DNAH11: variants seen among roughly 807,000 people sequenced by gnomAD.
The protein encoded by DNAH11 is dynein axonemal heavy chain 11.
In DNAH11, 442 loss-of-function variants were observed where a neutral mutation model predicts 526.0. The observed-to-expected ratio is 0.84, with a 90% CI of 0.78 to 0.91. The LOEUF is 0.91. DNAH11 is among the 40% of genes least tolerant of loss of function. The pLI is 0.00. For missense variants in DNAH11, 6,989 were observed against 5,448.7 expected (o/e 1.28, Z -8.90); for synonymous variants, 2,461 against 1,935.9 (o/e 1.27, Z -7.12).
intron 13 of DNAH11, 61 bp downstream of exon 13, chr7:21,591,083 T>A (rs1784658807): frequency 7.3e-7 from 1 of 1,378,404 alleles, no homozygotes; most frequent in East Asian, 2.8e-5. Context: ...ATATTTTGAA[T>A]TTTAATTATT....
intron 61 of DNAH11, among the ~76,000 whole-genome samples, chr7:21,800,474 C>G (rs1400920514): frequency 6.6e-6 from 1 of 151,988 alleles, no homozygotes; most frequent in African/African-American, 2.4e-5. Flanking sequence ...TCCACTAAAT[C>G]TACAAAAATT....
chr7:21,816,810 A>G (rs1398439174), intron 64 of DNAH11, 108 bp downstream of exon 64: 1 of 858,274 alleles, frequency 1.2e-6, no homozygotes. Flanking sequence ...TTGATGTATT[A>G]CAATTTGGTG....
chr7:21,659,777 C>G (rs559679895), intron 30 of DNAH11, among the ~76,000 whole-genome samples: 1 of 152,082 alleles, frequency 6.6e-6, no homozygotes, highest in Non-Finnish European at 1.5e-5. Context: ...TGCTCCTCAT[C>G]GACCCCTTTT....
At chr7:21,654,342 G>A (rs751355761) in intron 28 of DNAH11, among the ~76,000 whole-genome samples, 1 of 152,136 alleles carries the variant, frequency 6.6e-6, no homozygotes, top group Non-Finnish European at 1.5e-5. Flanking sequence ...GATACGACGT[G>A]TGGTATATTG....
chr7:21,608,859 G>C (rs1785407650), intron 20 of DNAH11, among the ~76,000 whole-genome samples: 1 of 151,930 alleles, frequency 6.6e-6, no homozygotes, highest in Non-Finnish European at 1.5e-5. Context: ...TATAACTACA[G>C]GAATATTTTG....
intron 39 of DNAH11, 63 bp from the exon 40 acceptor site, chr7:21,707,636 T>C (rs1429898343): frequency 1.9e-5 from 30 of 1,559,836 alleles, no homozygotes; most frequent in East Asian, 4.5e-5. Context: ...TTCAGAAATC[T>C]TTTACTTTCC....
rs113340120 is a variant in DNAH11, at chr7:21,573,379, C to T, written c.1593+1406C>T. Among the ~76,000 whole-genome samples the T allele has an allele frequency of 1.7e-3, 253 of 152,282 alleles. 1 individual carries two copies. Among genetic ancestry groups the T allele is most frequent in the South Asian group, 5.0e-3 (24 of 4,828 alleles). ...CATAACCTTCCCCTGAAGTTCCCTT[C>T]ATCCTCCTGTCTGATTCTTGCCTTA... On this transcript the variant is annotated intron_variant, in intron 8 of 81. Coordinates refer to ENST00000409508, the MANE Select transcript of DNAH11 (RefSeq NM_001277115.2).
Position 21,748,658 on chromosome 7 carries a change from C to G in DNAH11, c.8589C>G (p.Ser2863Arg), listed in dbSNP as rs762164783. ...LVGVGGSGKQ[S>R]LSRLAAYLRG... is the part of the protein sequence containing the mutation. ...GAGTTGGGGGCAGTGGCAAGCAGAG[C>G]TTGTCCAGGCTGGCAGCTTACCTTC... The change falls in exon 52 of 82, where the codon AGC (serine) becomes AGG (arginine). Residue 2863 changes from serine (S) to arginine (R), a missense_variant. Physicochemically the swap from Ser to Arg is moderately radical, Grantham distance 110 (BLOSUM62 -1). Coordinates refer to ENST00000409508, the MANE Select transcript of DNAH11 (RefSeq NM_001277115.2). 8.1e-6 allele frequency: 13 copies of G among 1,613,512 alleles called. No homozygotes were observed. In the South Asian group the frequency reaches 1.4e-4, roughly 18 times the overall value.
chr7:21,686,413 C>T (rs547442210), intron 32 of DNAH11, among the ~76,000 whole-genome samples: 2 of 152,198 alleles, frequency 1.3e-5, no homozygotes, highest in African/African-American at 4.8e-5. Context: ...AAGAATACAG[C>T]CATTTGATGT....
Position 21,880,911 on chromosome 7 carries a change from A to G in DNAH11, c.12387+18A>G, listed in dbSNP as rs774153301. The stretch of plus-strand genomic sequence containing the variant: ...ACTCTAAAGTAAGTGCTAGTGGTCA[A>G]ATAACCTCTTCCAAGGAGTTTACAA... On this transcript the variant is annotated intron_variant, in intron 75 of 81. Coordinates refer to ENST00000409508, the MANE Select transcript of DNAH11 (RefSeq NM_001277115.2). The G allele has an allele frequency of 1.3e-6, 2 of 1,579,650 alleles. No homozygotes were observed. Among genetic ancestry groups the G allele is most frequent in the Admixed American group, 2.0e-5 (1 of 49,616 alleles).
At chr7:21,656,005 C>A (rs1424235643) in intron 29 of DNAH11, 24 bp downstream of exon 29, 2 of 1,569,428 alleles carry the variant, frequency 1.3e-6, no homozygotes, top group Non-Finnish European at 1.7e-6. Context: ...ATGAGGTTTT[C>A]TATGCTAGGG....
At chr7:21,827,139 T>G (rs549603548) in intron 65 of DNAH11, among the ~76,000 whole-genome samples, 1 of 152,320 alleles carries the variant, frequency 6.6e-6, no homozygotes, top group African/African-American at 2.4e-5. Flanking sequence ...GATATACAGG[T>G]GAACCTGGCC....
At chr7:21,631,927 G>C (rs1786631725) in intron 25 of DNAH11, among the ~76,000 whole-genome samples, 1 of 152,320 alleles carries the variant, frequency 6.6e-6, no homozygotes, top group South Asian at 2.1e-4. Context: ...CTTCTGCACT[G>C]CCATAGCAGA....
chr7:21,543,643 C>T (rs1169915439), intron 1 of DNAH11, 47 bp downstream of exon 1: 18 of 1,534,148 alleles, frequency 1.2e-5, no homozygotes, highest in Non-Finnish European at 1.6e-5. Context: ...CAAAACTACC[C>T]AGGGGAGACA....
chr7:21,644,438 G>A (rs142014050), intron 28 of DNAH11, among the ~76,000 whole-genome samples: 84 of 152,262 alleles, frequency 5.5e-4, no homozygotes, highest in African/African-American at 1.9e-3. Context: ...GACTCAATAC[G>A]TGCATGGTAA....
In DNAH11 at chr7:21,639,067, T is replaced by C; in HGVS notation, c.4944+2T>C. On this transcript the variant is annotated splice_donor_variant, in intron 28 of 81. Coordinates refer to ENST00000409508, the MANE Select transcript of DNAH11 (RefSeq NM_001277115.2). LOFTEE classifies it high-confidence loss of function. ...TCAAAAGGAGCTCAGCCTAAACAGGTAATATTTTTTTTGAAAGTCTCGTAT... is the reference window on the plus strand; with the variant it reads ...TCAAAAGGAGCTCAGCCTAAACAGGCAATATTTTTTTTGAAAGTCTCGTAT... 1 of 1,607,010 alleles carries C rather than the reference T, an allele frequency of 6.2e-7. No individual in the cohort carries two copies. Among genetic ancestry groups the C allele is most frequent in the Non-Finnish European group, 8.5e-7 (1 of 1,177,958 alleles).
Position 21,807,888 on chromosome 7 carries a change from A to C in DNAH11, c.10171A>C (p.Ile3391Leu). ...TAATTTCATCTTTCAGTCAGAGAAG[A>C]TTCGCTGGGGTCAATCCATTAAGTC... Reference protein sequence around the residue: ...RLVKELEAKKIRWGQSIKSFE... With the variant: ...RLVKELEAKKLRWGQSIKSFE... The change falls in exon 63 of 82, where the codon ATT becomes CTT. Residue 3391 changes from isoleucine (I) to leucine (L), a missense_variant. Physicochemically the swap from Ile to Leu is conservative, Grantham distance 5. Coordinates refer to ENST00000409508, the MANE Select transcript of DNAH11 (RefSeq NM_001277115.2). 1 of 1,592,578 alleles carries C rather than the reference A, an allele frequency of 6.3e-7. No homozygotes were observed. Among genetic ancestry groups the C allele is most frequent in the Non-Finnish European group, 8.6e-7 (1 of 1,163,394 alleles).
intron 65 of DNAH11, among the ~76,000 whole-genome samples, chr7:21,838,716 CTATTTATTTATTTATT>C (rs34468017): frequency 6.7e-6 from 1 of 148,878 alleles, no homozygotes; most frequent in African/African-American, 2.5e-5. Flanking sequence ...GATTTTTAAA[CTATTTATTTATTTATT>C]TATTTATTTA....
Position 21,744,275 on chromosome 7 carries a change from T to G in DNAH11, c.8155-163T>G, listed in dbSNP as rs531424322. ...CTAAAATTTTAAAATATTGCACTTA[T>G]CAAAGAGTAAACCTACTTTTATACA... On this transcript the variant is annotated intron_variant, in intron 49 of 81. Transcript: ENST00000409508. 5.3e-4 allele frequency among the ~76,000 whole-genome samples: 80 copies of G among 152,218 alleles called. 1 individual carries two copies. The highest frequency in any genetic ancestry group is 7.9e-4 in the Non-Finnish European group (54 of 68,036).
Sources: allele counts gnomAD v4.1 joint callset (sites outside exome capture counted in the v4.1 genomes callset), GRCh38; gene constraint gnomAD v4.1.1; transcripts MANE v1.5; gene names NCBI Gene and HGNC (gene_info 2026-07-23, HGNC 2026-07-21).